The following CUX1 variants were observed in gnomAD, a reference collection of about 807,000 sequenced individuals.
The protein encoded by CUX1 is cut like homeobox 1.
Under a neutral mutation model 158.8 loss-of-function variants are expected in CUX1, and 31 were observed. The observed-to-expected ratio is 0.20, with a 90% CI of 0.15 to 0.26. CUX1 has a LOEUF of 0.26. Among genes scored for constraint, CUX1 ranks in the 10% least tolerant of loss-of-function variants. CUX1 has a pLI of 1.00. For missense variants in CUX1, 1,589 were observed against 2,014.6 expected (o/e 0.79, Z 4.04); for synonymous variants, 879 against 862.1 (o/e 1.02, Z -0.34).
chr7:102,159,917 A>C (rs1343894272), intron 9 of CUX1, among the ~76,000 whole-genome samples: 4 of 151,906 alleles, frequency 2.6e-5, no homozygotes, highest in Admixed American at 6.6e-5. Flanking sequence ...GTAGTGGCTC[A>C]CGCCTGTAAT....
intron 1 of CUX1, among the ~76,000 whole-genome samples, chr7:101,863,340 CTT>C (rs1414888393): frequency 2.2e-5 from 3 of 139,222 alleles, no homozygotes; most frequent in Admixed American, 7.2e-5. Context: ...TTTGAGAGTT[CTT>C]TTTTTTTTTT....
At chr7:101,910,746 A>G (rs1277387630) in intron 1 of CUX1, among the ~76,000 whole-genome samples, 1 of 147,338 alleles carries the variant, frequency 6.8e-6, no homozygotes, top group Non-Finnish European at 1.5e-5. Context: ...GACTGTCTCA[A>G]AAAAAAAAAA....
At chr7:102,154,769 A>G (rs1836082561) in intron 8 of CUX1, among the ~76,000 whole-genome samples, 1 of 152,228 alleles carries the variant, frequency 6.6e-6, no homozygotes. Context: ...TCCAAATAAC[A>G]GTAGTCTCAA....
intron 3 of CUX1, among the ~76,000 whole-genome samples, chr7:102,063,853 G>A (rs978305332): frequency 6.6e-6 from 1 of 152,236 alleles, no homozygotes; most frequent in African/African-American, 2.4e-5. Flanking sequence ...AACAGTTGAT[G>A]CTACAGCTTA....
chr7:101,975,241 ACT>A (rs200260616), intron 2 of CUX1, among the ~76,000 whole-genome samples: 4,656 of 150,636 alleles, frequency 0.031, 103 homozygotes, highest in Non-Finnish European at 0.049. Flanking sequence ...ACAGAGCAAG[ACT>A]CTGTCTCAAA....
intron 1 of CUX1, among the ~76,000 whole-genome samples, chr7:101,827,720 T>TGA (rs1189890036): frequency 2.0e-5 from 3 of 152,196 alleles, no homozygotes; most frequent in African/African-American, 7.2e-5. Flanking sequence ...TTAATATGTG[T>TGA]GATATACTGT....
chr7:102,207,762 T>A (rs1796104069), intron 20 of CUX1, among the ~76,000 whole-genome samples: 1 of 152,138 alleles, frequency 6.6e-6, no homozygotes, highest in Non-Finnish European at 1.5e-5. Context: ...AGGAAAATTT[T>A]AAAAAATTGT....
chr7:101,940,664 T>A (rs1807598009), intron 2 of CUX1, among the ~76,000 whole-genome samples: 1 of 152,186 alleles, frequency 6.6e-6, no homozygotes, highest in South Asian at 2.1e-4. Context: ...TGTGTTTTCT[T>A]ATTAGATTGT....
chr7:102,097,274 C>G, intron 4 of CUX1, 90 bp from the exon 5 acceptor site: 1 of 1,470,302 alleles, frequency 6.8e-7, no homozygotes, highest in East Asian at 2.3e-5. Flanking sequence ...GAGCTGATGT[C>G]CCAGGAGCCC....
At chr7:102,056,553 C>G (rs1490622062) in intron 3 of CUX1, among the ~76,000 whole-genome samples, 3 of 152,178 alleles carry the variant, frequency 2.0e-5, no homozygotes, top group African/African-American at 7.2e-5. Context: ...CTGTTGAGAC[C>G]TACTGCCCAG....
intron 1 of CUX1, among the ~76,000 whole-genome samples, chr7:101,846,329 T>G (rs969000443): frequency 3.3e-5 from 5 of 152,052 alleles, no homozygotes; most frequent in African/African-American, 9.7e-5. Context: ...ACTCCTTTTT[T>G]TTTTTTTGAG....
At chr7:101,977,420 T>C (rs10441304) in intron 2 of CUX1, among the ~76,000 whole-genome samples, 8,633 of 152,150 alleles carry the variant, frequency 0.057, 832 homozygotes, top group African/African-American at 0.2. Flanking sequence ...AGAAATACCA[T>C]TATTTTTAAA....
intron 1 of CUX1, among the ~76,000 whole-genome samples, chr7:101,890,727 T>G (rs1800794821): frequency 6.6e-6 from 1 of 152,200 alleles, no homozygotes; most frequent in African/African-American, 2.4e-5. Context: ...TTCCATTTTC[T>G]GAATTGTATT....
At chr7:102,085,845 T>G (rs1827903423) in intron 4 of CUX1, among the ~76,000 whole-genome samples, 1 of 152,246 alleles carries the variant, frequency 6.6e-6, no homozygotes, top group African/African-American at 2.4e-5. Flanking sequence ...TGTATAAGAT[T>G]GCAGTTATTT....
At chr7:101,907,791 C>G (rs1784265468) in intron 1 of CUX1, among the ~76,000 whole-genome samples, 1 of 152,160 alleles carries the variant, frequency 6.6e-6, no homozygotes, top group Non-Finnish European at 1.5e-5. Flanking sequence ...AAGCCTAGGT[C>G]TCATTACTGG....
At chr7:102,161,772 T>A (rs2131599652) in intron 9 of CUX1, among the ~76,000 whole-genome samples, 1 of 152,186 alleles carries the variant, frequency 6.6e-6, no homozygotes, top group East Asian at 1.9e-4. Flanking sequence ...CATGCCCAGC[T>A]AATTTTTATA....
intron 1 of CUX1, among the ~76,000 whole-genome samples, chr7:101,837,326 G>A (rs915221576): frequency 7.2e-5 from 11 of 152,146 alleles, no homozygotes; most frequent in South Asian, 4.1e-4. Flanking sequence ...AGAAGCTGGC[G>A]TAAATTGTGA....
rs1226577293 is a variant in CUX1, at chr7:102,249,679, A to AG, written c.*644dup. On this transcript the variant is annotated 3_prime_UTR_variant, in exon 24 of 24. Transcript: ENST00000292535. ...TCTTCTTAAACCAGGAAAAAATAAA[A>AG]GGGGGGGTGGGATTTTTCAGAAAAA... The AG allele has an allele frequency of 4.8e-5, 47 of 978,116 alleles. No homozygotes were observed. Among genetic ancestry groups the AG allele is most frequent in the South Asian group, 1.5e-4 (3 of 20,654 alleles). The allele number at this position is 978,116 out of a possible 1,614,324, so 60.6% of individuals were successfully genotyped here. A position where few individuals can be genotyped will look rare whatever the true frequency, so the allele number is the denominator to read the frequency against.
chr7:101,967,226 G>A (rs971486773), intron 2 of CUX1, among the ~76,000 whole-genome samples: 1 of 152,058 alleles, frequency 6.6e-6, no homozygotes, highest in African/African-American at 2.4e-5. Flanking sequence ...TGTTGGCCAG[G>A]CTGGTCTTGA....
Sources: allele counts gnomAD v4.1 joint callset (sites outside exome capture counted in the v4.1 genomes callset), GRCh38; gene constraint gnomAD v4.1.1; transcripts MANE v1.5; gene names NCBI Gene and HGNC (gene_info 2026-07-23, HGNC 2026-07-21).